DOCK2: variants seen among roughly 807,000 people sequenced by gnomAD.
The protein encoded by DOCK2 is dedicator of cytokinesis 2.
DOCK2 carries 87 observed loss-of-function variants against 248.9 expected under a neutral mutation model. The ratio of observed to expected loss-of-function variants is 0.35; its 90% CI spans 0.29 to 0.42. DOCK2 has a LOEUF of 0.42. DOCK2 is among the 10% of genes least tolerant of loss of function. The probability of loss-of-function intolerance (pLI) is 1.00; values close to 1 mark genes in which losing one functional copy is unlikely to be tolerated. For missense variants in DOCK2, 1,747 were observed against 2,300.2 expected, an observed-to-expected ratio of 0.76 and a Z score of 4.92; for synonymous variants, 805 against 821.6, an observed-to-expected ratio of 0.98 and a Z score of 0.35.
At chr5:169,803,952 C>T (rs1270639710) in intron 26 of DOCK2, among the ~76,000 whole-genome samples, 6 of 152,172 alleles carry the variant, frequency 3.9e-5, no homozygotes, top group Non-Finnish European at 8.8e-5. Context: ...CTGGCAGCTC[C>T]TCTTTGTCCT....
chr5:169,857,616 C>G (rs7725376), intron 27 of DOCK2, among the ~76,000 whole-genome samples: 16,741 of 151,872 alleles, frequency 0.11, 1,024 homozygotes, highest in African/African-American at 0.15. Flanking sequence ...ACCCTAATTT[C>G]TATAAAGAGC....
chr5:169,833,157 T>C (rs962985779), intron 26 of DOCK2, among the ~76,000 whole-genome samples: 3 of 152,224 alleles, frequency 2.0e-5, no homozygotes, highest in African/African-American at 7.2e-5. Flanking sequence ...TGGATTGCAC[T>C]GTCACTATTT....
At chr5:169,883,147 T>C (rs1772762176) in intron 27 of DOCK2, 1 of 1,551,606 alleles carries the variant, frequency 6.4e-7, no homozygotes, top group Non-Finnish European at 8.7e-7. Context: ...TTTTTCTGAA[T>C]CTAGTGGAGT....
At position 169,773,810 on chromosome 5, in the gene DOCK2, A is replaced by G. The variant is rs888964847; in HGVS notation, c.2554+12185A>G. Among the ~76,000 whole-genome samples the G allele has an allele frequency of 2.6e-5, 4 of 152,238 alleles. No individual in the cohort carries two copies. The South Asian group carries it at 6.2e-4, about 24-fold the overall frequency. On this transcript the variant is annotated intron_variant, in intron 25 of 51. Transcript: ENST00000520908. Reference sequence around the variant, plus strand: ...TGACCTGGTGGGAGATAATTGAATCATGGGGGCAGTTTCCCTTATACTGTT... The same window carrying G: ...TGACCTGGTGGGAGATAATTGAATCGTGGGGGCAGTTTCCCTTATACTGTT...
chr5:169,756,586 G>A (rs1004739777), intron 23 of DOCK2, among the ~76,000 whole-genome samples: 8 of 152,102 alleles, frequency 5.3e-5, no homozygotes, highest in African/African-American at 1.9e-4. Context: ...CCTGAGGGCT[G>A]TATGTTCTTT....
chr5:169,765,070 G>GCGCACA (rs1554098290), intron 25 of DOCK2, among the ~76,000 whole-genome samples: 266 of 146,598 alleles, frequency 1.8e-3, no homozygotes, highest in East Asian at 5.7e-3. Context: ...CTCTTTTAGC[G>GCGCACA]CACACACACA....
chr5:169,926,449 A>G (rs1366486936), intron 27 of DOCK2, among the ~76,000 whole-genome samples: 2 of 152,164 alleles, frequency 1.3e-5, no homozygotes, highest in African/African-American at 4.8e-5. Context: ...TGAGCCTCGG[A>G]TTATGGTCTG....
intron 34 of DOCK2, among the ~76,000 whole-genome samples, chr5:170,029,620 G>A (rs1319931372): frequency 6.6e-6 from 1 of 152,156 alleles, no homozygotes. Context: ...CCCAGTTTCT[G>A]TCTTTGACAG....
chr5:170,056,916 C>T, intron 43 of DOCK2, 148 bp downstream of exon 43: 2 of 670,936 alleles, frequency 3.0e-6, no homozygotes, highest in Non-Finnish European at 2.6e-6. Context: ...GTCCGTTCCC[C>T]AATCTCTTCC....
chr5:170,083,012 A>T lies in DOCK2; in HGVS notation c.*154A>T. On this transcript the variant is annotated 3_prime_UTR_variant, in exon 52 of 52. Coordinates refer to ENST00000520908, the MANE Select transcript of DOCK2 (RefSeq NM_004946.3). ...GACAGAGAGGCCAATCAGGTCCCAG[A>T]GCTTGAATGCTAACAAGCCCAGCAT... The T allele has an allele frequency of 1.1e-6, 1 of 905,320 alleles. No individual in the cohort carries two copies. The highest frequency in any genetic ancestry group is 1.6e-5 in the South Asian group (1 of 62,288). 56.1% of individuals were successfully genotyped at this position (905,320 alleles called of 1,614,324 possible). A position where few individuals can be genotyped will look rare whatever the true frequency, so the allele number is the denominator to read the frequency against.
intron 17 of DOCK2, among the ~76,000 whole-genome samples, chr5:169,713,005 C>T (rs752476271): frequency 6.6e-6 from 1 of 152,264 alleles, no homozygotes; most frequent in Non-Finnish European, 1.5e-5. Flanking sequence ...GCTTTCTTAG[C>T]CTTGTAGGCT....
intron 4 of DOCK2, among the ~76,000 whole-genome samples, chr5:169,670,832 G>A (rs1420057952): frequency 6.6e-6 from 1 of 152,084 alleles, no homozygotes; most frequent in Non-Finnish European, 1.5e-5. Flanking sequence ...CTTTTTGCTG[G>A]CAGCTACCTT....
At chr5:170,075,019 G>T (rs750773793) in intron 46 of DOCK2, among the ~76,000 whole-genome samples, 1 of 152,100 alleles carries the variant, frequency 6.6e-6, no homozygotes, top group Non-Finnish European at 1.5e-5. Flanking sequence ...TTGTGTGGCA[G>T]GTTTATGAAT....
At chr5:169,714,481 G>A (rs1761790707) in intron 19 of DOCK2, 24 bp downstream of exon 19, 7 of 1,612,568 alleles carry the variant, frequency 4.3e-6, no homozygotes, top group Non-Finnish European at 5.9e-6. Context: ...CATTTTGATT[G>A]TATTCTTACA....
chr5:169,941,819 C>T (rs1403220292), intron 27 of DOCK2, among the ~76,000 whole-genome samples: 1 of 152,156 alleles, frequency 6.6e-6, no homozygotes, highest in Non-Finnish European at 1.5e-5. Context: ...GGGGCATTCC[C>T]CTCCAGAATA....
At chr5:169,704,759 A>ATATGTGTG (rs1207381620) in intron 14 of DOCK2, among the ~76,000 whole-genome samples, 4 of 139,900 alleles carry the variant, frequency 2.9e-5, no homozygotes, top group Non-Finnish European at 6.2e-5. Context: ...CTCCATATAT[A>ATATGTGTG]TGTGTGTGTG....
rs143089504 is a variant in DOCK2, at chr5:169,972,542, C to CAGATAGATAGAT, written c.2800-10493_2800-10482dup. Among the ~76,000 whole-genome samples, 172 of 141,428 alleles carry CAGATAGATAGAT rather than the reference C, an allele frequency of 1.2e-3. 1 individual carries two copies. The highest frequency in any genetic ancestry group is 2.0e-3 in the South Asian group (8 of 4,052). 92.8% of individuals were successfully genotyped at this position (141,428 alleles called of 152,430 possible). ...GCCCCAGTTAAGAGCCACTGTGAGA[C>CAGATAGATAGAT]AGATAGATAGATAGATAGATAGATA... On this transcript the variant is annotated intron_variant, in intron 27 of 51. Coordinates refer to ENST00000520908, the MANE Select transcript of DOCK2 (RefSeq NM_004946.3).
chr5:169,714,005 C>A (rs757637977), intron 17 of DOCK2, 23 bp from the exon 18 acceptor site: 3 of 1,568,504 alleles, frequency 1.9e-6, no homozygotes, highest in Non-Finnish European at 2.6e-6. Flanking sequence ...TGGCTTGGGG[C>A]AGTAACCAAG....
At chr5:170,078,386 G>A (rs1196415528) in intron 48 of DOCK2, among the ~76,000 whole-genome samples, 1 of 152,154 alleles carries the variant, frequency 6.6e-6, no homozygotes, top group Non-Finnish European at 1.5e-5. Context: ...AGAGGGAAAA[G>A]GATGGAAACG....
Sources: gnomAD v4.1 joint callset for allele counts (sites outside exome capture counted in the v4.1 genomes callset) on GRCh38, gnomAD v4.1.1 for gene constraint, MANE v1.5 for transcripts, NCBI Gene and HGNC (gene_info 2026-07-23, HGNC 2026-07-21) for gene names.